The following GPHN variants were observed in gnomAD, a reference collection of about 807,000 sequenced individuals.
The protein encoded by GPHN is gephyrin.
In GPHN, 17 loss-of-function variants were observed where a neutral mutation model predicts 95.5. The observed-to-expected ratio is 0.18, with a 90% CI of 0.12 to 0.27. The LOEUF is 0.27. GPHN is among the 10% of genes least tolerant of loss of function. The pLI, the probability that GPHN is intolerant of heterozygous loss-of-function variation, is 1.00. For missense variants in GPHN, 660 were observed against 978.1 expected (o/e 0.67, Z 4.34); for synonymous variants, 320 against 322.5 (o/e 0.99, Z 0.08).
chr14:67,617,598 C>G, the GPHN span, among the ~76,000 whole-genome samples: 1 of 152,206 alleles, frequency 6.6e-6, no homozygotes, highest in East Asian at 1.9e-4. Flanking sequence ...AGTAATTTAT[C>G]TCTGACTAAA....
chr14:66,599,391 C>CTTTTTTTTTTTTTTTTTT (rs1566679513), intron 1 of GPHN, among the ~76,000 whole-genome samples: 1 of 74,046 alleles, frequency 1.4e-5, no homozygotes, highest in African/African-American at 1.6e-4. Flanking sequence ...TTTTTTTTTG[C>CTTTTTTTTTTTTTTTTTT]ATTTTTTTTT....
chr14:67,663,203 A>C, the GPHN span: 1 of 1,504,638 alleles, frequency 6.6e-7, no homozygotes, highest in Non-Finnish European at 8.9e-7. Flanking sequence ...TTGAACAAAA[A>C]TAGAACAGGC....
At chr14:67,587,331 C>A in the GPHN span, 1 of 1,343,314 alleles carries the variant, frequency 7.4e-7, no homozygotes, top group Non-Finnish European at 1.1e-6. Flanking sequence ...GTCTAACAGC[C>A]CCCGGCTACT....
At chr14:67,508,507 C>T in the GPHN span, among the ~76,000 whole-genome samples, 1 of 152,098 alleles carries the variant, frequency 6.6e-6, no homozygotes, top group Non-Finnish European at 1.5e-5. Context: ...CATACAGCCT[C>T]ACGCTAGCTC....
At chr14:67,375,774 G>GT in the GPHN span, among the ~76,000 whole-genome samples, 225 of 152,182 alleles carry the variant, frequency 1.5e-3, no homozygotes, top group African/African-American at 5.2e-3. Flanking sequence ...GACATCACCT[G>GT]TTTTTTTAGA....
At chr14:67,363,533 G>A in the GPHN span, among the ~76,000 whole-genome samples, 1 of 152,008 alleles carries the variant, frequency 6.6e-6, no homozygotes, top group Non-Finnish European at 1.5e-5. Context: ...CTGATAAGAG[G>A]ACAGACTCTG....
chr14:67,640,031 C>T, the GPHN span, among the ~76,000 whole-genome samples: 1 of 150,784 alleles, frequency 6.6e-6, no homozygotes, highest in Admixed American at 6.6e-5. Flanking sequence ...AGCTTTCATT[C>T]TCTTAAGTCT....
At chr14:67,115,225 T>G (rs1272062387) in intron 16 of GPHN, among the ~76,000 whole-genome samples, 1 of 151,936 alleles carries the variant, frequency 6.6e-6, no homozygotes, top group African/African-American at 2.4e-5. Flanking sequence ...CCAGGCACTT[T>G]ACTGGAAATT....
chr14:67,103,538 G>GT (rs2077854379), intron 13 of GPHN, among the ~76,000 whole-genome samples: 1 of 19,578 alleles, frequency 5.1e-5, no homozygotes, highest in Non-Finnish European at 9.6e-5. Context: ...TTTTTTTTTT[G>GT]TGGCCTCTTC....
intron 8 of GPHN, among the ~76,000 whole-genome samples, chr14:66,941,683 T>TA (rs72495022): frequency 0.037 from 5,157 of 138,168 alleles, 97 homozygotes; most frequent in Middle Eastern, 0.048. Flanking sequence ...AAAGCCTTGG[T>TA]AAAAAAAAAA....
At chr14:66,785,434 GT>G (rs1479654628) in intron 3 of GPHN, among the ~76,000 whole-genome samples, 3 of 151,872 alleles carry the variant, frequency 2.0e-5, no homozygotes, top group Non-Finnish European at 2.9e-5. Flanking sequence ...ATCAGACCAA[GT>G]AGACTTCAGA....
intron 1 of GPHN, among the ~76,000 whole-genome samples, chr14:66,646,882 C>T (rs1291638541): frequency 1.3e-5 from 2 of 151,718 alleles, no homozygotes; most frequent in Non-Finnish European, 2.9e-5. Context: ...TGTCTTTTAC[C>T]ACAATTATTA....
the GPHN span, among the ~76,000 whole-genome samples, chr14:67,549,789 A>T: frequency 1.3e-5 from 2 of 152,180 alleles, no homozygotes; most frequent in African/African-American, 4.8e-5. Context: ...TGGTCTGTGG[A>T]CCACCACCTT....
the GPHN span, chr14:67,586,091 T>C: frequency 6.2e-7 from 1 of 1,613,904 alleles, no homozygotes; most frequent in Non-Finnish European, 8.5e-7. Context: ...GGATGGCTGC[T>C]CCCAAGGTAG....
intron 19 of GPHN, among the ~76,000 whole-genome samples, chr14:67,164,158 C>G (rs1329892284): frequency 6.6e-6 from 1 of 150,454 alleles, no homozygotes; most frequent in Admixed American, 6.6e-5. Context: ...ATCCCAGCTA[C>G]TCGGGAGGCT....
At chr14:66,847,484 A>G (rs1298296847) in intron 4 of GPHN, among the ~76,000 whole-genome samples, 20 of 152,056 alleles carry the variant, frequency 1.3e-4, no homozygotes, top group Admixed American at 1.3e-3. Context: ...AATTTAAAAT[A>G]GAGTGCTATA....
At chr14:67,565,909 C>T in the GPHN span, among the ~76,000 whole-genome samples, 3 of 152,148 alleles carry the variant, frequency 2.0e-5, no homozygotes, top group Admixed American at 2.0e-4. Flanking sequence ...CACTTGAGGT[C>T]AGGAGTTCGA....
chr14:67,699,235 A>G, the GPHN span, among the ~76,000 whole-genome samples: 1 of 151,496 alleles, frequency 6.6e-6, no homozygotes, highest in Middle Eastern at 3.4e-3. Flanking sequence ...CCTGGGCGAC[A>G]AGAGCGAGAC....
chr14:67,516,337 C>T, the GPHN span, among the ~76,000 whole-genome samples: 1 of 152,158 alleles, frequency 6.6e-6, no homozygotes, highest in Admixed American at 6.5e-5. Context: ...CTCTCGCAAA[C>T]CCTATGCATG....
Sources: allele counts gnomAD v4.1 joint callset (sites outside exome capture counted in the v4.1 genomes callset), GRCh38; gene constraint gnomAD v4.1.1; transcripts MANE v1.5; gene names NCBI Gene and HGNC (gene_info 2026-07-23, HGNC 2026-07-21).